Variants in THSD4 observed in about 807,000 individuals in gnomAD.
THSD4 encodes the protein thrombospondin type 1 domain containing 4, also known as thrombospondin type-1 domain-containing protein 4.
In THSD4, 69 loss-of-function variants were observed where a neutral mutation model predicts 119.0. The observed-to-expected ratio is 0.58, with a 90% CI of 0.48 to 0.71. The LOEUF (loss-of-function observed/expected upper bound fraction) is 0.71. THSD4 is among the 30% of genes least tolerant of loss of function. The probability of loss-of-function intolerance (pLI) is 0.00; values close to 1 mark genes in which losing one functional copy is unlikely to be tolerated. For missense variants in THSD4, 1,393 were observed against 1,391.1 expected (o/e 1.00, Z -0.02); for synonymous variants, 524 against 540.4 (o/e 0.97, Z 0.42).
intron 7 of THSD4, among the ~76,000 whole-genome samples, chr15:71,631,777 C>T (rs1263829465): frequency 1.3e-5 from 2 of 152,116 alleles, no homozygotes; most frequent in Non-Finnish European, 2.9e-5. Context: ...CACCATTTTC[C>T]TCTAGGATAC....
chr15:71,746,922 C>A lies in THSD4; in HGVS notation c.2121C>A (p.Tyr707Ter). Residue 707 changes from tyrosine (Y) to a stop codon, truncating the protein, a stop_gained, in exon 13 of 18, where the codon TAC becomes TAA. Coordinates refer to ENST00000261862, the MANE Select transcript of THSD4 (RefSeq NM_024817.3). LOFTEE classifies it high-confidence loss of function. ...QHRQVLCRQV[Y>*]ANRSLTVQPY... ...GCCAGGTTCTGTGCCGCCAGGTGTA[C>A]GCCAACCGCAGCCTGACGGTGCAGC... 1 of 1,613,938 alleles carries A rather than the reference C, an allele frequency of 6.2e-7. No homozygotes were observed. The highest frequency in any genetic ancestry group is 8.5e-7 in the Non-Finnish European group (1 of 1,180,044).
At chr15:71,775,660 G>A (rs963729793) in intron 17 of THSD4, among the ~76,000 whole-genome samples, 1 of 152,172 alleles carries the variant, frequency 6.6e-6, no homozygotes, top group Admixed American at 6.5e-5. Context: ...GCAATGAGCT[G>A]AGATAGAGCC....
At chr15:71,347,531 T>C (rs1034380469) in intron 6 of THSD4, among the ~76,000 whole-genome samples, 1 of 152,218 alleles carries the variant, frequency 6.6e-6, no homozygotes, top group African/African-American at 2.4e-5. Context: ...ATTTCTGCCT[T>C]ACTTGACTGA....
intron 7 of THSD4, among the ~76,000 whole-genome samples, chr15:71,592,189 C>T (rs1380592445): frequency 6.6e-6 from 1 of 152,222 alleles, no homozygotes; most frequent in Non-Finnish European, 1.5e-5. Flanking sequence ...AACATGTGGC[C>T]ACCATGGGAA....
At chr15:71,295,390 G>C (rs1380757318) in intron 6 of THSD4, among the ~76,000 whole-genome samples, 2 of 152,082 alleles carry the variant, frequency 1.3e-5, no homozygotes, top group Admixed American at 6.5e-5. Context: ...GGTTCAGTCA[G>C]GCAAAACAAA....
chr15:71,691,063 C>T (rs182169651), intron 8 of THSD4, among the ~76,000 whole-genome samples: 225 of 152,124 alleles, frequency 1.5e-3, no homozygotes, highest in African/African-American at 5.0e-3. Context: ...AGGGGCAGGA[C>T]GAAGAGTTGA....
rs543752301 is a variant in THSD4 at position 71,639,024 on chromosome 15, T to C, written c.1153-21506T>C. On this transcript the variant is annotated intron_variant, in intron 7 of 17. Transcript: ENST00000261862. ...CAAAATTTGCTCTGATGCTCAAGAATTGAGCATCGGCAGTTAAATGCTTCA... is the reference window on the plus strand; with the variant it reads ...CAAAATTTGCTCTGATGCTCAAGAACTGAGCATCGGCAGTTAAATGCTTCA... Among the ~76,000 whole-genome samples, 18 of 152,296 alleles carry C rather than the reference T, an allele frequency of 1.2e-4. No homozygotes were observed. The South Asian group carries it at 2.9e-3, about 25-fold the overall frequency.
chr15:71,775,094 C>T (rs562901692), intron 17 of THSD4, among the ~76,000 whole-genome samples: 185 of 151,194 alleles, frequency 1.2e-3, no homozygotes, highest in Non-Finnish European at 1.7e-3. Context: ...TGCGGTGAGC[C>T]GATATCATGC....
intron 7 of THSD4, among the ~76,000 whole-genome samples, chr15:71,649,553 A>G (rs1248371756): frequency 6.6e-6 from 1 of 152,226 alleles, no homozygotes; most frequent in Admixed American, 6.5e-5. Context: ...CTAGGATTAC[A>G]GGCATGAGCC....
At chr15:71,511,867 C>G (rs1810621808) in intron 7 of THSD4, among the ~76,000 whole-genome samples, 6 of 152,194 alleles carry the variant, frequency 3.9e-5, no homozygotes, top group Admixed American at 3.9e-4. Flanking sequence ...TAATACACAT[C>G]CCCCACAGAG....
intron 8 of THSD4, among the ~76,000 whole-genome samples, chr15:71,677,733 A>G (rs1224373567): frequency 6.6e-6 from 1 of 152,192 alleles, no homozygotes; most frequent in Non-Finnish European, 1.5e-5. Context: ...TGGAAATGTG[A>G]GACTGAGTTT....
chr15:71,428,998 A>G (rs955601150), intron 7 of THSD4, among the ~76,000 whole-genome samples: 3 of 152,238 alleles, frequency 2.0e-5, no homozygotes, highest in Non-Finnish European at 4.4e-5. Flanking sequence ...CACTAGGAAC[A>G]ACCATCATTT....
chr15:71,688,707 C>G (rs72744636), intron 8 of THSD4, among the ~76,000 whole-genome samples: 119 of 133,484 alleles, frequency 8.9e-4, no homozygotes, highest in East Asian at 6.7e-3. Flanking sequence ...TTTTGTATCT[C>G]TGTGTGTGTG....
At chr15:71,531,804 A>G (rs2048613484) in intron 7 of THSD4, among the ~76,000 whole-genome samples, 1 of 152,204 alleles carries the variant, frequency 6.6e-6, no homozygotes, top group African/African-American at 2.4e-5. Context: ...AGTCTCCCCG[A>G]TATTTTCCAG....
At chr15:71,727,940 A>G (rs1203025384) in intron 8 of THSD4, among the ~76,000 whole-genome samples, 1 of 152,124 alleles carries the variant, frequency 6.6e-6, no homozygotes, top group Non-Finnish European at 1.5e-5. Flanking sequence ...GGGGCAAATC[A>G]GAGCATATAG....
intron 6 of THSD4, among the ~76,000 whole-genome samples, chr15:71,331,281 A>T (rs1372659526): frequency 6.6e-6 from 1 of 152,138 alleles, no homozygotes; most frequent in Non-Finnish European, 1.5e-5. Flanking sequence ...TCCAACTGGG[A>T]TAGGCCAAGA....
At chr15:71,305,319 A>G (rs1353184441) in intron 6 of THSD4, among the ~76,000 whole-genome samples, 1 of 152,236 alleles carries the variant, frequency 6.6e-6, no homozygotes, top group East Asian at 1.9e-4. Context: ...TAAGGATGGA[A>G]TGGTAGAAAG....
At chr15:71,337,624 T>C (rs2045505427) in intron 6 of THSD4, among the ~76,000 whole-genome samples, 1 of 152,178 alleles carries the variant, frequency 6.6e-6, no homozygotes. Context: ...TCATTAATTA[T>C]GCAAATTCTT....
chr15:71,239,418 T>G (rs2044133198), intron 4 of THSD4, among the ~76,000 whole-genome samples: 1 of 152,174 alleles, frequency 6.6e-6, no homozygotes, highest in Admixed American at 6.5e-5. Context: ...ATTGGGTAAC[T>G]TACCCAAAGT....
Sources: gnomAD v4.1 joint callset for allele counts (sites outside exome capture counted in the v4.1 genomes callset) on GRCh38, gnomAD v4.1.1 for gene constraint, MANE v1.5 for transcripts, NCBI Gene and HGNC (gene_info 2026-07-23, HGNC 2026-07-21) for gene names.